ZNF385D: variants seen among roughly 807,000 people sequenced by gnomAD.
ZNF385D encodes zinc finger protein 385D.
In ZNF385D, 15 loss-of-function variants were observed where a neutral mutation model predicts 35.8. The observed-to-expected ratio is 0.42, with a 90% CI of 0.28 to 0.64. The LOEUF (loss-of-function observed/expected upper bound fraction) is 0.64, where lower values mean the gene tolerates loss of function less well. Ranked by LOEUF, ZNF385D falls within the 30% of genes least tolerant of loss-of-function variation. The pLI is 0.23. For synonymous variants in ZNF385D, 212 were observed against 186.8 expected, an observed-to-expected ratio of 1.13 and a Z score of -1.10; for missense variants, 474 against 494.6, an observed-to-expected ratio of 0.96 and a Z score of 0.39.
chr3:21,565,812 A>ATAGAT lies in ZNF385D; in HGVS notation c.166-1133_166-1129dup, dbSNP rs577007103. ...AAGGACTTATAAGTAAGTCTTCATAATAGATTGAGATAGATCAGAAATTAT... is the reference window on the plus strand; with the variant it reads ...AAGGACTTATAAGTAAGTCTTCATAATAGATTAGATTGAGATAGATCAGAAATTAT... On this transcript the variant is annotated intron_variant, in intron 2 of 7. Coordinates refer to ENST00000281523, the MANE Select transcript of ZNF385D (RefSeq NM_024697.3). 2.2e-3 allele frequency among the ~76,000 whole-genome samples: 328 copies of ATAGAT among 152,346 alleles called. 3 individuals carry two copies. The highest frequency in any genetic ancestry group is 0.019 in the South Asian group (94 of 4,826).
intron 1 of ZNF385D, among the ~76,000 whole-genome samples, chr3:21,710,087 A>C (rs1052042182): frequency 3.3e-5 from 5 of 152,218 alleles, no homozygotes; most frequent in African/African-American, 1.2e-4. Flanking sequence ...CTTTTAGAAA[A>C]GGTAAAACTA....
intron 2 of ZNF385D, among the ~76,000 whole-genome samples, chr3:22,362,980 G>A (rs951607741): frequency 6.6e-6 from 1 of 152,140 alleles, no homozygotes; most frequent in African/African-American, 2.4e-5. Context: ...ACTCACTGTC[G>A]AGATTACTGA....
chr3:21,959,850 G>A (rs963104553), intron 3 of ZNF385D, among the ~76,000 whole-genome samples: 2 of 152,146 alleles, frequency 1.3e-5, no homozygotes, highest in South Asian at 4.1e-4. Flanking sequence ...CTCAGTTCTG[G>A]CTCACTAGCC....
At chr3:22,178,146 T>C (rs895531662) in intron 2 of ZNF385D, among the ~76,000 whole-genome samples, 3 of 152,214 alleles carry the variant, frequency 2.0e-5, no homozygotes. Flanking sequence ...TCTAGATCCC[T>C]GAGGAATCGC....
intron 3 of ZNF385D, among the ~76,000 whole-genome samples, chr3:21,967,848 C>T (rs1272580274): frequency 6.6e-6 from 1 of 152,216 alleles, no homozygotes; most frequent in Non-Finnish European, 1.5e-5. Flanking sequence ...ATTATTCCCT[C>T]TACAGGAGCA....
At chr3:21,517,314 G>C (rs1707633901) in intron 3 of ZNF385D, among the ~76,000 whole-genome samples, 1 of 152,022 alleles carries the variant, frequency 6.6e-6, no homozygotes, top group Non-Finnish European at 1.5e-5. Flanking sequence ...TAATGGCCAT[G>C]AACACACCTG....
chr3:21,424,317 A>ATATATATATATATAT (rs1221923155), intron 6 of ZNF385D, among the ~76,000 whole-genome samples: 4 of 63,812 alleles, frequency 6.3e-5, no homozygotes, highest in African/African-American at 2.5e-4. Context: ...ATATATATAT[A>ATATATATATATATAT]TTTTTTTTTT....
chr3:22,307,706 G>A (rs1429852787), intron 2 of ZNF385D, among the ~76,000 whole-genome samples: 1 of 149,886 alleles, frequency 6.7e-6, no homozygotes, highest in East Asian at 2.0e-4. Context: ...GTTTAAAATA[G>A]TCACACTCCT....
At chr3:22,196,382 G>C (rs1211642227) in intron 2 of ZNF385D, among the ~76,000 whole-genome samples, 9 of 151,886 alleles carry the variant, frequency 5.9e-5, no homozygotes. Flanking sequence ...AATAGAAGTA[G>C]GATTGTCACT....
intron 3 of ZNF385D, among the ~76,000 whole-genome samples, chr3:22,010,235 G>A (rs1035523125): frequency 6.6e-6 from 1 of 152,210 alleles, no homozygotes; most frequent in Admixed American, 6.5e-5. Flanking sequence ...AGCATAAAAC[G>A]TGGAATGATC....
At chr3:22,233,711 T>TC (rs879262799) in intron 2 of ZNF385D, among the ~76,000 whole-genome samples, 2 of 152,120 alleles carry the variant, frequency 1.3e-5, no homozygotes, top group Non-Finnish European at 1.5e-5. Flanking sequence ...ATAGTCCTGG[T>TC]AGGCTCTACT....
At chr3:22,122,735 G>T (rs910722653) in intron 3 of ZNF385D, among the ~76,000 whole-genome samples, 6 of 152,180 alleles carry the variant, frequency 3.9e-5, no homozygotes, top group Non-Finnish European at 8.8e-5. Flanking sequence ...AAGGCCTACT[G>T]AGACGGTGAC....
At chr3:21,731,622 A>G (rs1400434605) in intron 1 of ZNF385D, among the ~76,000 whole-genome samples, 2 of 152,230 alleles carry the variant, frequency 1.3e-5, no homozygotes, top group Admixed American at 6.5e-5. Context: ...CATACAGAAT[A>G]GTTTCATTGT....
intron 3 of ZNF385D, among the ~76,000 whole-genome samples, chr3:21,950,325 T>A (rs1378788067): frequency 6.6e-6 from 1 of 151,878 alleles, no homozygotes; most frequent in Non-Finnish European, 1.5e-5. Context: ...GAGCTTCTTT[T>A]CATGTTTGTT....
At chr3:21,665,947 G>C (rs778005521) in intron 1 of ZNF385D, among the ~76,000 whole-genome samples, 1 of 152,188 alleles carries the variant, frequency 6.6e-6, no homozygotes, top group Non-Finnish European at 1.5e-5. Flanking sequence ...CTTCTAATCT[G>C]AGAGGCAAGC....
At chr3:21,895,932 T>C (rs1699112641) in intron 3 of ZNF385D, among the ~76,000 whole-genome samples, 1 of 152,128 alleles carries the variant, frequency 6.6e-6, no homozygotes, top group Admixed American at 6.5e-5. Context: ...TGTGTCTAAT[T>C]TGTAGAACTT....
intron 2 of ZNF385D, among the ~76,000 whole-genome samples, chr3:22,181,983 C>T (rs139675721): frequency 1.7e-4 from 26 of 152,224 alleles, no homozygotes; most frequent in Admixed American, 4.6e-4. Context: ...AGCTGAATGC[C>T]GCAAACAAAC....
chr3:21,645,270 C>T (rs2065717210), intron 2 of ZNF385D, among the ~76,000 whole-genome samples: 1 of 152,096 alleles, frequency 6.6e-6, no homozygotes, highest in Non-Finnish European at 1.5e-5. Flanking sequence ...GTTAGAGTCA[C>T]TGATAAAATA....
chr3:21,578,732 A>C (rs941666075), intron 2 of ZNF385D, among the ~76,000 whole-genome samples: 2 of 152,106 alleles, frequency 1.3e-5, no homozygotes, highest in Non-Finnish European at 2.9e-5. Context: ...TTGGGTTTCT[A>C]TAGCTTTGTA....
Sources: allele counts gnomAD v4.1 joint callset (sites outside exome capture counted in the v4.1 genomes callset), GRCh38; gene constraint gnomAD v4.1.1; transcripts MANE v1.5; gene names NCBI Gene and HGNC (gene_info 2026-07-23, HGNC 2026-07-21).